Variants in SCMH1 observed in about 807,000 individuals in gnomAD.
SCMH1 encodes the protein Scm polycomb group protein homolog 1.
SCMH1 carries 37 observed loss-of-function variants against 70.8 expected under a neutral mutation model. The observed-to-expected ratio is 0.52, with a 90% CI of 0.40 to 0.69. SCMH1 has a LOEUF of 0.69. SCMH1 is among the 30% of genes least tolerant of loss of function. SCMH1 has a pLI of 0.00. For missense variants in SCMH1, 607 were observed against 827.3 expected, an observed-to-expected ratio of 0.73 and a Z score of 3.27; for synonymous variants, 292 against 307.4, an observed-to-expected ratio of 0.95 and a Z score of 0.52.
exon 15 of SCMH1, chr1:41,027,834 G>A (rs1276355530): frequency 8.8e-6 from 2 of 226,732 alleles, no homozygotes; most frequent in African/African-American, 4.5e-5. Flanking sequence ...GTGGGGCGAT[G>A]GGGTGCCACA....
chr1:41,052,917 C>CTTTTTTTTTT (rs113009874), intron 10 of SCMH1, among the ~76,000 whole-genome samples: 1 of 134,804 alleles, frequency 7.4e-6, no homozygotes, highest in African/African-American at 2.8e-5. Context: ...AAATTGTAGG[C>CTTTTTTTTTT]TTTTTTTTTT....
At chr1:41,127,277 G>A (rs1673435803) in intron 6 of SCMH1, among the ~76,000 whole-genome samples, 1 of 152,048 alleles carries the variant, frequency 6.6e-6, no homozygotes, top group African/African-American at 2.4e-5. Flanking sequence ...GCCTTATGTT[G>A]CAAATATTTT....
intron 10 of SCMH1, among the ~76,000 whole-genome samples, chr1:41,056,666 C>G (rs981475199): frequency 2.0e-5 from 3 of 152,262 alleles, no homozygotes; most frequent in Non-Finnish European, 4.4e-5. Context: ...AAGAGACAGA[C>G]AGGTGAATAA....
chr1:41,105,606 T>C lies in SCMH1; in HGVS notation c.745+7677A>G, dbSNP rs1449862480. 2.0e-5 allele frequency among the ~76,000 whole-genome samples: 3 copies of C among 152,176 alleles called. No homozygotes were observed. In the South Asian group the frequency reaches 6.2e-4, roughly 32 times the overall value. On this transcript the variant is annotated intron_variant, in intron 8 of 14. Transcript: ENST00000337495. The stretch of plus-strand genomic sequence containing the variant: ...ATTATTTTACATGGTACAGGGCTTG[T>C]TTGTTAAATAAATAAAATAGTCACA...
chr1:41,126,022 A>G (rs893456632), intron 6 of SCMH1, among the ~76,000 whole-genome samples: 2 of 152,238 alleles, frequency 1.3e-5, no homozygotes, highest in African/African-American at 2.4e-5. Context: ...TAGGATGCAT[A>G]CATATAAATA....
At chr1:41,137,323 G>A (rs1343781752) in intron 6 of SCMH1, among the ~76,000 whole-genome samples, 1 of 151,878 alleles carries the variant, frequency 6.6e-6, no homozygotes, top group African/African-American at 2.4e-5. Flanking sequence ...TATTATCATC[G>A]TGTTTTAGGA....
At chr1:41,152,191 G>C (rs1347464538) in intron 4 of SCMH1, among the ~76,000 whole-genome samples, 1 of 152,168 alleles carries the variant, frequency 6.6e-6, no homozygotes, top group Non-Finnish European at 1.5e-5. Flanking sequence ...GGGAGGGGAA[G>C]CCAGATGAGT....
intron 12 of SCMH1, among the ~76,000 whole-genome samples, chr1:41,039,865 A>G (rs980345073): frequency 3.3e-5 from 5 of 152,092 alleles, no homozygotes; most frequent in African/African-American, 4.8e-5. Flanking sequence ...GCCTCATCCA[A>G]GCTTCTATCA....
At chr1:41,107,658 T>C (rs1172020700) in intron 8 of SCMH1, among the ~76,000 whole-genome samples, 1 of 152,184 alleles carries the variant, frequency 6.6e-6, no homozygotes, top group African/African-American at 2.4e-5. Context: ...TAGCTGGGAC[T>C]ACAGGTGGGC....
intron 1 of SCMH1, among the ~76,000 whole-genome samples, chr1:41,199,134 ATG>A (rs1196329275): frequency 6.6e-6 from 1 of 152,230 alleles, no homozygotes; most frequent in Non-Finnish European, 1.5e-5. Flanking sequence ...AGCATAAACT[ATG>A]TGTTAGGCAC....
At chr1:41,142,795 A>T in intron 6 of SCMH1, 83 bp downstream of exon 6, 2 of 1,197,540 alleles carry the variant, frequency 1.7e-6, no homozygotes, top group Non-Finnish European at 2.4e-6. Context: ...TGGGTACCCT[A>T]GGCTTTCCCA....
chr1:41,132,764 A>G (rs1642579845), intron 6 of SCMH1, among the ~76,000 whole-genome samples: 1 of 152,226 alleles, frequency 6.6e-6, no homozygotes, highest in African/African-American at 2.4e-5. Flanking sequence ...ACATATGGCC[A>G]GCCAGTTTTC....
intron 4 of SCMH1, among the ~76,000 whole-genome samples, chr1:41,156,690 C>T (rs930476666): frequency 5.3e-5 from 8 of 152,130 alleles, no homozygotes; most frequent in Non-Finnish European, 8.8e-5. Flanking sequence ...CTAACTGCCT[C>T]GGCCTCCCAA....
At chr1:41,112,390 GATT>G (rs1669463039) in intron 8 of SCMH1, among the ~76,000 whole-genome samples, 3 of 152,074 alleles carry the variant, frequency 2.0e-5, no homozygotes, top group Admixed American at 6.6e-5. Flanking sequence ...AAGAGGATGA[GATT>G]ATTATTATTA....
intron 2 of SCMH1, among the ~76,000 whole-genome samples, chr1:41,168,632 CTTTTTTT>C (rs543282078): frequency 9.5e-6 from 1 of 104,716 alleles, no homozygotes; most frequent in African/African-American, 3.8e-5. Context: ...GGAGATTTGT[CTTTTTTT>C]TTTTTTTTTT....
Position 41,106,352 on chromosome 1 carries a change from C to T in SCMH1, c.745+6931G>A, listed in dbSNP as rs1373073171. ...AGTTCTGGTTGTTGTAAAAGTGTGA[C>T]ACCCCCCTCCCCACACTGCCATCTG... On this transcript the variant is annotated intron_variant, in intron 8 of 14. Coordinates refer to ENST00000337495, the Ensembl canonical transcript of SCMH1. Among the ~76,000 whole-genome samples, 3 of 151,576 alleles carry T rather than the reference C, an allele frequency of 2.0e-5. 1 individual carries two copies. Among genetic ancestry groups the T allele is most frequent in the African/African-American group, 7.3e-5 (3 of 40,950 alleles).
At chr1:41,058,507 A>G (rs1023637241) in intron 10 of SCMH1, among the ~76,000 whole-genome samples, 5 of 144,628 alleles carry the variant, frequency 3.5e-5, no homozygotes, top group African/African-American at 7.8e-5. Context: ...CAGCCTCCTG[A>G]GTTGCTGGGA....
intron 4 of SCMH1, among the ~76,000 whole-genome samples, chr1:41,154,739 C>A (rs558953426): frequency 6.6e-6 from 1 of 152,290 alleles, no homozygotes; most frequent in Non-Finnish European, 1.5e-5. Context: ...TATTAACTAA[C>A]ATAGGTATAA....
At chr1:41,207,590 T>C (rs1392309038) in intron 1 of SCMH1, among the ~76,000 whole-genome samples, 1 of 152,180 alleles carries the variant, frequency 6.6e-6, no homozygotes, top group Non-Finnish European at 1.5e-5. Flanking sequence ...ACAATAATAA[T>C]GGGAGACTTT....
Sources: gnomAD v4.1 joint callset for allele counts (sites outside exome capture counted in the v4.1 genomes callset) on GRCh38, gnomAD v4.1.1 for gene constraint, MANE v1.5 for transcripts, NCBI Gene and HGNC (gene_info 2026-07-23, HGNC 2026-07-21) for gene names.